Variants in KAZN observed in about 807,000 individuals in gnomAD.
KAZN encodes the protein kazrin.
In KAZN, 40 loss-of-function variants were observed where a neutral mutation model predicts 87.4. That is an observed-to-expected ratio of 0.46 (90% CI 0.36 to 0.60). The LOEUF is 0.60. Among genes scored for constraint, KAZN ranks in the 20% least tolerant of loss-of-function variants. The pLI, the probability that KAZN is intolerant of heterozygous loss-of-function variation, is 0.00. For missense variants in KAZN, 898 were observed against 1,073.9 expected, an observed-to-expected ratio of 0.84 and a Z score of 2.29; for synonymous variants, 466 against 458.3, an observed-to-expected ratio of 1.02 and a Z score of -0.22.
At chr1:15,053,656 C>A (rs1349837901) in intron 4 of KAZN, among the ~76,000 whole-genome samples, 1 of 152,184 alleles carries the variant, frequency 6.6e-6, no homozygotes, top group East Asian at 1.9e-4. Flanking sequence ...GGGTTTGGTA[C>A]CCAGGTTGGA....
At chr1:14,910,320 T>C (rs1012036281) in intron 1 of KAZN, among the ~76,000 whole-genome samples, 14 of 152,146 alleles carry the variant, frequency 9.2e-5, no homozygotes, top group African/African-American at 2.9e-4. Flanking sequence ...GGCTGGGCCT[T>C]CCCCCATGTG....
rs1387463326 is a variant in KAZN at position 14,856,336 on chromosome 1, A to C, written c.227-104348A>C. Among the ~76,000 whole-genome samples the C allele has an allele frequency of 6.6e-6, 1 of 152,190 alleles. No homozygotes were observed. Among genetic ancestry groups the C allele is most frequent in the East Asian group, 1.9e-4 (1 of 5,196 alleles). ...CATTCATGCCTAAGTGTGAGCTTGA[A>C]CTGTACCAACCCTAGAGGTTTCTTT... On this transcript the variant is annotated intron_variant, in intron 1 of 14. Transcript: ENST00000376030. The surrounding 1 kb of genome is among the most constrained non-coding windows in gnomAD (Gnocchi z 5.2).
intron 1 of KAZN, among the ~76,000 whole-genome samples, chr1:14,643,154 A>G (rs554063687): frequency 6.6e-6 from 1 of 152,352 alleles, no homozygotes; most frequent in East Asian, 1.9e-4. Flanking sequence ...CACAATAAAA[A>G]GGAATGGATT....
chr1:14,251,542 C>A (rs1296238705), intron 2 of KAZN, among the ~76,000 whole-genome samples: 3 of 150,750 alleles, frequency 2.0e-5, no homozygotes, highest in African/African-American at 7.4e-5. Context: ...CTATGCCTTT[C>A]TGGAAGTTTC....
chr1:14,767,006 A>G (rs1178228798), intron 1 of KAZN, among the ~76,000 whole-genome samples: 1 of 152,174 alleles, frequency 6.6e-6, no homozygotes, highest in Admixed American at 6.5e-5. Flanking sequence ...GATGGATGTC[A>G]GAGAAGGCTT....
chr1:14,413,814 A>G (rs1033976456), intron 2 of KAZN, among the ~76,000 whole-genome samples: 7 of 152,320 alleles, frequency 4.6e-5, no homozygotes, highest in African/African-American at 1.4e-4. Flanking sequence ...AAAAATTAGC[A>G]TCTGGAATAT....
intron 1 of KAZN, among the ~76,000 whole-genome samples, chr1:14,706,886 C>T (rs1019583888): frequency 2.0e-5 from 3 of 152,192 alleles, no homozygotes; most frequent in Admixed American, 6.5e-5. Flanking sequence ...CCCACCTCCC[C>T]GCCACCCCAC....
chr1:14,294,463 A>G (rs1653962255), intron 2 of KAZN, among the ~76,000 whole-genome samples: 1 of 151,994 alleles, frequency 6.6e-6, no homozygotes, highest in African/African-American at 2.4e-5. Context: ...GATGAAGCCC[A>G]TGGCATCCTT....
At chr1:13,948,705 A>G (rs1250096732) in intron 1 of KAZN, among the ~76,000 whole-genome samples, 2 of 151,820 alleles carry the variant, frequency 1.3e-5, no homozygotes, top group Non-Finnish European at 2.9e-5. Context: ...TTTTTTCTGC[A>G]AACAATCTTT....
chr1:14,379,963 C>CGGT (rs566906241), intron 2 of KAZN, among the ~76,000 whole-genome samples: 163 of 152,252 alleles, frequency 1.1e-3, no homozygotes, highest in African/African-American at 3.7e-3. Context: ...AGCACAGTCC[C>CGGT]GGTGGTGGTG....
At chr1:14,047,007 C>T (rs1642105000) in intron 1 of KAZN, among the ~76,000 whole-genome samples, 1 of 152,216 alleles carries the variant, frequency 6.6e-6, no homozygotes, top group African/African-American at 2.4e-5. Context: ...AAAGTCTTCT[C>T]TGTCCAGTGG....
chr1:14,543,170 A>G (rs573280740), intron 2 of KAZN, among the ~76,000 whole-genome samples: 1 of 152,350 alleles, frequency 6.6e-6, no homozygotes, highest in East Asian at 1.9e-4. Context: ...TGTACTTTAA[A>G]AATGCTTTAT....
At chr1:15,051,951 A>G (rs1245209842) in intron 4 of KAZN, among the ~76,000 whole-genome samples, 1 of 152,226 alleles carries the variant, frequency 6.6e-6, no homozygotes, top group Non-Finnish European at 1.5e-5. Flanking sequence ...CATTTGTGTC[A>G]AGTTAACAAT....
chr1:14,546,099 C>T (rs1045005159), intron 2 of KAZN, among the ~76,000 whole-genome samples: 4 of 152,132 alleles, frequency 2.6e-5, no homozygotes, highest in Admixed American at 6.5e-5. Flanking sequence ...AAAATGCCAA[C>T]GATGTGAAAA....
At chr1:15,098,661 G>A (rs1202842401) in intron 10 of KAZN, among the ~76,000 whole-genome samples, 1 of 152,252 alleles carries the variant, frequency 6.6e-6, no homozygotes, top group East Asian at 1.9e-4. Context: ...CCTGTAACAA[G>A]GCTGAGGCCG....
intron 1 of KAZN, among the ~76,000 whole-genome samples, chr1:14,836,388 C>T (rs1168340604): frequency 6.6e-6 from 1 of 151,562 alleles, no homozygotes; most frequent in East Asian, 1.9e-4. Flanking sequence ...CCAGCCTCCT[C>T]CCTCACTGCC....
chr1:15,063,485 G>A (rs1311519342), intron 6 of KAZN, 87 bp from the exon 7 acceptor site: 18 of 1,138,614 alleles, frequency 1.6e-5, no homozygotes, highest in Middle Eastern at 1.9e-4. Context: ...ATCCTTCCAC[G>A]GAAGGCCCCA....
At chr1:13,955,488 G>T (rs1641511839) in intron 1 of KAZN, among the ~76,000 whole-genome samples, 1 of 152,004 alleles carries the variant, frequency 6.6e-6, no homozygotes, top group South Asian at 2.1e-4. Flanking sequence ...TTGGGATTGT[G>T]ATTTTTGGGA....
At chr1:14,723,200 T>C (rs184805448) in intron 1 of KAZN, among the ~76,000 whole-genome samples, 1 of 152,028 alleles carries the variant, frequency 6.6e-6, no homozygotes, top group Non-Finnish European at 1.5e-5. Flanking sequence ...AGTCAAGGGG[T>C]GCATCTTCCA....
Sources: allele counts gnomAD v4.1 joint callset (sites outside exome capture counted in the v4.1 genomes callset), GRCh38; gene constraint gnomAD v4.1.1; non-coding constraint Gnocchi (gnomAD v3.1); transcripts MANE v1.5; gene names NCBI Gene and HGNC (gene_info 2026-07-23, HGNC 2026-07-21).